Variants in DMTN observed in about 807,000 individuals in gnomAD.
DMTN encodes the protein dematin.
In DMTN, 27 loss-of-function variants were observed where a neutral mutation model predicts 59.4. The observed-to-expected ratio is 0.45, with a 90% CI of 0.33 to 0.63. DMTN has a LOEUF of 0.63. DMTN is among the 20% of genes least tolerant of loss of function. The pLI, the probability that DMTN is intolerant of heterozygous loss-of-function variation, is 0.02. For missense variants in DMTN, 451 were observed against 528.9 expected (o/e 0.85, Z 1.45); for synonymous variants, 221 against 203.7 (o/e 1.08, Z -0.72).
intron 1 of DMTN, chr8:22,057,839 A>G (rs1272043360): frequency 1.3e-5 from 2 of 152,228 alleles, no homozygotes; most frequent in African/African-American, 4.8e-5. Flanking sequence ...GGGCAGACAC[A>G]CCCAGTGTGT....
In DMTN at chr8:22,060,941, C is replaced by G. The variant is rs1805887289; in HGVS notation, c.-172+3805C>G. Among the ~76,000 whole-genome samples the G allele has an allele frequency of 6.6e-6, 1 of 152,144 alleles. No individual in the cohort carries two copies. Among genetic ancestry groups the G allele is most frequent in the South Asian group, 2.1e-4 (1 of 4,826 alleles). The stretch of plus-strand genomic sequence containing the variant: ...ATGTGCAAACGAGGTACTCGCCAAT[C>G]CAAGCCAACCCACAAGATTGGAATG... On this transcript the variant is annotated intron_variant, in intron 1 of 15. Coordinates refer to ENST00000358242, the MANE Select transcript of DMTN (RefSeq NM_001387751.1). This position sits in a 1 kb window ranked among gnomAD's most constrained non-coding sequence, Gnocchi z 5.0.
chr8:22,062,678 C>G (rs371555144), intron 1 of DMTN, among the ~76,000 whole-genome samples: 20 of 152,166 alleles, frequency 1.3e-4, no homozygotes, highest in African/African-American at 1.4e-4. Context: ...CCATCACCCC[C>G]CCAATCCCTA....
In DMTN at chr8:22,081,876, C is replaced by A. The variant is rs533159472; in HGVS notation, c.*413C>A. On this transcript the variant is annotated 3_prime_UTR_variant, in exon 16 of 16. Coordinates refer to ENST00000358242, the MANE Select transcript of DMTN (RefSeq NM_001387751.1). ...AAGAGCTCCAGGCTCTTGTGTCGCC[C>A]ACCCAGCCCTCCCATACTCACTCCT... 2.2e-6 allele frequency: 1 copy of A among 461,454 alleles called. No homozygotes were observed. The highest frequency in any genetic ancestry group is 1.5e-5 in the South Asian group (1 of 64,620). 28.6% of individuals were successfully genotyped at this position (461,454 alleles called of 1,614,324 possible).
chr8:22,076,602 GTA>G (rs976917367), intron 10 of DMTN, among the ~76,000 whole-genome samples: 7 of 150,624 alleles, frequency 4.6e-5, no homozygotes, highest in African/African-American at 1.5e-4. Context: ...ATGTGTGTGT[GTA>G]TATATATATG....
intron 10 of DMTN, among the ~76,000 whole-genome samples, chr8:22,078,134 G>T (rs1338915673): frequency 2.0e-5 from 3 of 152,088 alleles, no homozygotes; most frequent in Non-Finnish European, 4.4e-5. Context: ...GGAGGCTGAG[G>T]CAGGTGGATC....
At chr8:22,059,359 A>G (rs1222957349) in intron 1 of DMTN, 4 of 152,232 alleles carry the variant, frequency 2.6e-5, no homozygotes, top group African/African-American at 9.7e-5. Context: ...TAATTCACTT[A>G]CTGTCTGCAC....
At chr8:22,056,699 G>A (rs1190389980), upstream of DMTN, among the ~76,000 whole-genome samples, 3 of 151,824 alleles carry the variant, frequency 2.0e-5, no homozygotes, top group Non-Finnish European at 4.4e-5. Flanking sequence ...AGCGCTGGTG[G>A]AAGAGCGCGC....
At position 22,080,845 on chromosome 8, in the gene DMTN, C is replaced by T. The variant is rs1350362537; in HGVS notation, c.998C>T (p.Ser333Phe). Residue 333 changes from serine to phenylalanine, a missense_variant, in exon 14 of 16, where the codon TCC (serine) becomes TTC (phenylalanine). By Grantham distance (155) the Ser-to-Phe change is radical. Transcript: ENST00000358242. ...AGGGGGAGGATGGACCGGGGGAACT[C>T]CCTGCCCTGTGTGCTGGAGCAGAAG... ...GQRGRMDRGN[S>F]LPCVLEQKIY... The T allele has an allele frequency of 6.3e-7, 1 of 1,591,470 alleles. No individual in the cohort carries two copies. Among genetic ancestry groups the T allele is most frequent in the Non-Finnish European group, 8.6e-7 (1 of 1,166,012 alleles).
chr8:22,073,966 A>T, intron 10 of DMTN, 131 bp downstream of exon 10: 1 of 673,784 alleles, frequency 1.5e-6, no homozygotes, highest in South Asian at 1.8e-5. Context: ...TGGGAGCAAG[A>T]ATCCCAGTCA....
chr8:22,049,145 G>A (rs1801058293), upstream of DMTN: 1 of 150,260 alleles, frequency 6.7e-6, no homozygotes, highest in South Asian at 2.1e-4. Context: ...CGCAGGCGAG[G>A]GCCCTGCGGA....
At position 22,081,875 on chromosome 8, in the gene DMTN, C is replaced by T. The variant is rs1041174938; in HGVS notation, c.*412C>T. ...AAAGAGCTCCAGGCTCTTGTGTCGC[C>T]CACCCAGCCCTCCCATACTCACTCC... is the stretch of plus-strand genomic sequence containing the variant. On this transcript the variant is annotated 3_prime_UTR_variant, in exon 16 of 16. Transcript: ENST00000358242. The T allele has an allele frequency of 2.2e-6, 1 of 460,710 alleles. No individual in the cohort carries two copies. The highest frequency in any genetic ancestry group is 2.3e-5 in the Admixed American group (1 of 42,666). 28.5% of individuals were successfully genotyped at this position (460,710 alleles called of 1,614,324 possible). A position where few individuals can be genotyped will look rare whatever the true frequency, so the allele number is the denominator to read the frequency against.
intron 1 of DMTN, among the ~76,000 whole-genome samples, chr8:22,066,072 GGGTT>G (rs1219028538): frequency 1.3e-5 from 2 of 152,114 alleles, no homozygotes; most frequent in African/African-American, 4.8e-5. Context: ...TCGAACGCCT[GGGTT>G]CAAGCAATCC....
Position 22,079,301 on chromosome 8 carries a change from T to TATATATATATATATATATA in DMTN, c.836-879_836-878insATATATATATATATATATA, listed in dbSNP as rs199745360. ...AAATATATATATATATATATATATA[T>TATATATATATATATATATA]TAGCTGGGTTTGATGGCGCATGCCC... On this transcript the variant is annotated intron_variant, in intron 10 of 15. Transcript: ENST00000358242. 1.2e-3 allele frequency among the ~76,000 whole-genome samples: 100 copies of TATATATATATATATATATA among 84,806 alleles called. 1 individual carries two copies. The highest frequency in any genetic ancestry group is 1.7e-3 in the African/African-American group (33 of 19,690). The allele number at this position is 84,806 out of a possible 152,430, so 55.6% of individuals were successfully genotyped here.
At position 22,072,425 on chromosome 8, in the gene DMTN, A is replaced by T. The variant is rs1475357365; in HGVS notation, c.704A>T (p.Glu235Val). The change falls in exon 9 of 16, where the codon GAG becomes GTG. Residue 235 changes from glutamate (E) to valine (V), a missense_variant. Glu to Val is a moderately radical substitution (Grantham distance 121, BLOSUM62 -2). Transcript: ENST00000358242. ...GGAGAGGAGATGAAGGCTCTCAGGG[A>T]GCGTCAGAGAGAGGAACTCAGTAAG... The part of the protein sequence containing the change: ...DSGEEMKALR[E>V]RQREELSKVT... 3.2e-6 allele frequency: 5 copies of T among 1,577,844 alleles called. No individual in the cohort carries two copies. In the South Asian group the frequency reaches 5.8e-5, roughly 18 times the overall value.
Position 22,080,888 on chromosome 8 carries a change from C to A in DMTN, c.1023+18C>A. 1 of 1,553,164 alleles carries A rather than the reference C, an allele frequency of 6.4e-7. No individual in the cohort carries two copies. On this transcript the variant is annotated intron_variant, in intron 14 of 15. Transcript: ENST00000358242. ...AGCAGAAGGTGAGGGGCAGGGGACA[C>A]AAGCGCCTGTAGCGGGGCGGGAGGC...
chr8:22,074,795 C>G (rs963105276), intron 10 of DMTN, among the ~76,000 whole-genome samples: 1 of 152,056 alleles, frequency 6.6e-6, no homozygotes, highest in East Asian at 1.9e-4. Flanking sequence ...ATGGCGTGGC[C>G]CACTATCCAG....
In DMTN at chr8:22,069,435, G is replaced by T. The variant is rs145460473; in HGVS notation, c.311G>T (p.Arg104Leu). ...PPSPEVWADSRSPGIISQASA... is the reference protein window; with the variant it reads ...PPSPEVWADSLSPGIISQASA... ...GCTCTGCAGGTGTGGGCGGACAGCC[G>T]GTCGCCTGGAATCATCTCTCAGGCC... Residue 104 changes from arginine to leucine, a missense_variant, in exon 6 of 16, where the codon CGG becomes CTG. Physicochemically the swap from Arg to Leu is moderately radical, Grantham distance 102 (BLOSUM62 -2). Coordinates refer to ENST00000358242, the MANE Select transcript of DMTN (RefSeq NM_001387751.1). The T allele has an allele frequency of 6.2e-7, 1 of 1,612,582 alleles. No homozygotes were observed. Among genetic ancestry groups the T allele is most frequent in the African/African-American group, 1.3e-5 (1 of 74,824 alleles).
At chr8:22,062,619 A>G (rs1322321189) in intron 1 of DMTN, among the ~76,000 whole-genome samples, 1 of 151,548 alleles carries the variant, frequency 6.6e-6, no homozygotes, top group Non-Finnish European at 1.5e-5. Flanking sequence ...TTTCTATCAC[A>G]CTTCTTGGAA....
At chr8:22,069,966 T>G in intron 7 of DMTN, 29 bp downstream of exon 7, 1 of 1,611,866 alleles carries the variant, frequency 6.2e-7, no homozygotes, top group Non-Finnish European at 8.5e-7. Flanking sequence ...CACCAGAGCC[T>G]GCTTCCGGCT....
Sources: gnomAD v4.1 joint callset for allele counts (sites outside exome capture counted in the v4.1 genomes callset) on GRCh38, gnomAD v4.1.1 for gene constraint, Gnocchi (gnomAD v3.1) non-coding constraint, MANE v1.5 for transcripts, NCBI Gene and HGNC (gene_info 2026-07-23, HGNC 2026-07-21) for gene names.